Variants in UBXN4 observed in about 807,000 individuals in gnomAD.
The protein encoded by UBXN4 is UBX domain-containing protein 4.
In UBXN4, 35 loss-of-function variants were observed where a neutral mutation model predicts 66.2. That is an observed-to-expected ratio of 0.53 (90% CI 0.40 to 0.70). UBXN4 has a LOEUF of 0.70. UBXN4 is among the 30% of genes least tolerant of loss of function. The pLI, the probability that UBXN4 is intolerant of heterozygous loss-of-function variation, is 0.00. For synonymous variants in UBXN4, 203 were observed against 204.5 expected (o/e 0.99, Z 0.06); for missense variants, 533 against 599.8 (o/e 0.89, Z 1.16).
intron 10 of UBXN4, 78 bp from the exon 11 acceptor site, chr2:135,778,869 TA>T: frequency 3.6e-6 from 5 of 1,383,982 alleles, no homozygotes; most frequent in Non-Finnish European, 4.8e-6. Context: ...CAATGTTAAT[TA>T]AAGCATCATT....
intron 9 of UBXN4, among the ~76,000 whole-genome samples, chr2:135,774,412 A>T (rs1456507821): frequency 6.6e-6 from 1 of 152,240 alleles, no homozygotes; most frequent in East Asian, 1.9e-4. Flanking sequence ...AGAGGAAAAA[A>T]GAGGAATATA....
intron 6 of UBXN4, among the ~76,000 whole-genome samples, chr2:135,768,861 C>A (rs147652358): frequency 1.6e-3 from 245 of 152,154 alleles, no homozygotes; most frequent in African/African-American, 4.7e-3. Context: ...GCCACCGTGC[C>A]CAGCCTGATT....
In UBXN4 at chr2:135,778,976, C is replaced by T. The variant is rs1249264657; in HGVS notation, c.1082C>T (p.Ser361Leu). The change falls in exon 11 of 13, where the codon TCG becomes TTG. Residue 361 changes from serine to leucine, a missense_variant. Around this residue, in one of 2 missense-constraint regions of UBXN4, gnomAD observed 529 missense variants for 580.1 expected, o/e 0.91. Coordinates refer to ENST00000272638, the MANE Select transcript of UBXN4 (RefSeq NM_014607.4). ...GTTGGCAACACTTACGGTAATTTTTCGTTAGCAACCATGTTTCCCAGGAGG... is the reference window on the plus strand; with the variant it reads ...GTTGGCAACACTTACGGTAATTTTTTGTTAGCAACCATGTTTCCCAGGAGG... ...QTVGNTYGNF[S>L]LATMFPRREF... 2 of 1,611,628 alleles carry T rather than the reference C, an allele frequency of 1.2e-6. No individual in the cohort carries two copies. Among genetic ancestry groups the T allele is most frequent in the Admixed American group, 1.7e-5 (1 of 59,620 alleles).
chr2:135,765,619 T>C (rs2077341992), intron 6 of UBXN4, among the ~76,000 whole-genome samples: 1 of 152,014 alleles, frequency 6.6e-6, no homozygotes, highest in African/African-American at 2.4e-5. Context: ...GTTGAAAAAA[T>C]AGTGTAATGG....
chr2:135,768,869 A>G (rs1263698020), intron 6 of UBXN4, among the ~76,000 whole-genome samples: 1 of 148,562 alleles, frequency 6.7e-6, no homozygotes, highest in Non-Finnish European at 1.5e-5. Flanking sequence ...GCCCAGCCTG[A>G]TTTTTTATTT....
intron 5 of UBXN4, among the ~76,000 whole-genome samples, chr2:135,756,685 T>G (rs1022412755): frequency 6.6e-6 from 1 of 152,214 alleles, no homozygotes; most frequent in Non-Finnish European, 1.5e-5. Context: ...TCCAAAATTC[T>G]TCATTCCATT....
At chr2:135,780,475 T>C in intron 12 of UBXN4, 90 bp downstream of exon 12, 1 of 1,233,480 alleles carries the variant, frequency 8.1e-7, no homozygotes, top group East Asian at 2.4e-5. Flanking sequence ...TGCCTTTCTG[T>C]ATATGTCCTC....
At chr2:135,751,289 G>C (rs1444089896) in intron 2 of UBXN4, among the ~76,000 whole-genome samples, 13 of 147,814 alleles carry the variant, frequency 8.8e-5, no homozygotes, top group East Asian at 6.1e-4. Context: ...CGGGCTCACG[G>C]CATTCTCCTG....
intron 7 of UBXN4, among the ~76,000 whole-genome samples, chr2:135,770,114 A>G (rs2077374076): frequency 6.6e-6 from 1 of 152,164 alleles, no homozygotes; most frequent in Admixed American, 6.5e-5. Flanking sequence ...AGGTTGAACA[A>G]AGTTTTAGTT....
chr2:135,745,028 A>G (rs771424390), intron 1 of UBXN4, among the ~76,000 whole-genome samples: 29 of 152,208 alleles, frequency 1.9e-4, no homozygotes, highest in Non-Finnish European at 3.1e-4. Context: ...CAGCCTCACA[A>G]GAAGCAAGAT....
chr2:135,769,738 A>G (rs1296702819), intron 6 of UBXN4, 31 bp from the exon 7 acceptor site: 2 of 1,461,316 alleles, frequency 1.4e-6, no homozygotes, highest in Non-Finnish European at 1.9e-6. Flanking sequence ...ATGTGTCTCA[A>G]TTAGTGGTGG....
intron 5 of UBXN4, among the ~76,000 whole-genome samples, chr2:135,759,687 G>A (rs1178853780): frequency 6.6e-6 from 1 of 151,864 alleles, no homozygotes; most frequent in Non-Finnish European, 1.5e-5. Context: ...GCCTAAAGGC[G>A]GAACTTCTCA....
chr2:135,773,150 TTTTTCAGAATCCCC>T (rs2077394047), intron 9 of UBXN4, among the ~76,000 whole-genome samples: 5 of 152,196 alleles, frequency 3.3e-5, no homozygotes, highest in Admixed American at 6.5e-5. Context: ...GGATTCTTTA[TTTTTCAGAATCCCC>T]TATCCGATAG....
chr2:135,766,314 C>T (rs773395351), intron 6 of UBXN4, among the ~76,000 whole-genome samples: 4 of 152,058 alleles, frequency 2.6e-5, no homozygotes, highest in Non-Finnish European at 5.9e-5. Flanking sequence ...GTTTATACAC[C>T]ATTTTCAGAT....
intron 1 of UBXN4, chr2:135,747,836 G>A (rs957725891): frequency 1.1e-5 from 4 of 357,306 alleles, no homozygotes; most frequent in African/African-American, 8.6e-5. Context: ...GGCCAGTCTG[G>A]TCTCGAATTC....
At position 135,780,236 on chromosome 2, in the gene UBXN4, C is replaced by T. The variant is rs753535137; in HGVS notation, c.1239C>T (p.Thr413=). 1 of 1,614,084 alleles carries T rather than the reference C, an allele frequency of 6.2e-7. No homozygotes were observed. Among genetic ancestry groups the T allele is most frequent in the South Asian group, 1.1e-5 (1 of 91,080 alleles). ...IVHSSSGDIW[T]LLGTVLYPFL... ...ACTCTTCCAGCGGAGACATTTGGAC[C>T]TTGTTGGGAACAGTGCTTTATCCAT... Residue 413 remains threonine, a synonymous_variant, in exon 12 of 13, where the codon ACC becomes ACT. Coordinates refer to ENST00000272638, the MANE Select transcript of UBXN4 (RefSeq NM_014607.4).
At chr2:135,778,768 G>C (rs1311620622) in intron 10 of UBXN4, among the ~76,000 whole-genome samples, 180 bp from the exon 11 acceptor site, 3 of 152,072 alleles carry the variant, frequency 2.0e-5, no homozygotes, top group African/African-American at 7.2e-5. Flanking sequence ...AAAACTATTT[G>C]GATTTGATAG....
intron 4 of UBXN4, among the ~76,000 whole-genome samples, chr2:135,755,216 A>G (rs1361983354): frequency 6.6e-6 from 1 of 152,184 alleles, no homozygotes; most frequent in Non-Finnish European, 1.5e-5. Context: ...ATAATTAATC[A>G]TTTCTGTCTA....
intron 9 of UBXN4, among the ~76,000 whole-genome samples, chr2:135,772,927 C>T (rs1054145467): frequency 7.3e-5 from 11 of 150,798 alleles, no homozygotes; most frequent in Non-Finnish European, 1.0e-4. Flanking sequence ...GTCCCAGCTA[C>T]GCGGGAGGCT....
Sources: allele counts gnomAD v4.1 joint callset (sites outside exome capture counted in the v4.1 genomes callset), GRCh38; gene constraint gnomAD v4.1.1; regional missense constraint gnomAD v4.1.1; transcripts MANE v1.5; gene names NCBI Gene and HGNC (gene_info 2026-07-23, HGNC 2026-07-21).